SULT1B1: variants seen among roughly 807,000 people sequenced by gnomAD.
The protein encoded by SULT1B1 is sulfotransferase family 1B member 1, also known as sulfotransferase 1B1.
SULT1B1 carries 28 observed loss-of-function variants against 34.6 expected under a neutral mutation model. The observed-to-expected ratio is 0.81, with a 90% CI of 0.60 to 1.11. The LOEUF (loss-of-function observed/expected upper bound fraction) is 1.11, where lower values mean the gene tolerates loss of function less well. SULT1B1 is among the 50% of genes least tolerant of loss of function. The pLI is 0.00. For missense variants in SULT1B1, 374 were observed against 352.2 expected (o/e 1.06, Z -0.50); for synonymous variants, 147 against 110.2 (o/e 1.33, Z -2.09).
At position 69,722,351 on chromosome 4, in the gene SULT1B1, G is replaced by A. The variant is rs530927214; in HGVS notation, c.*4737C>T. On this transcript the variant is annotated 3_prime_UTR_variant, in exon 8 of 8. Transcript: ENST00000310613. ...ATTACACAGATTAGAGGATAGTTTA[G>A]TGGTGTTTTTTCCCTCAGTAATAGA... 2 of 152,220 alleles carry A rather than the reference G, an allele frequency of 1.3e-5. No homozygotes were observed. The highest frequency in any genetic ancestry group is 4.1e-4 in the South Asian group (2 of 4,830). 9.4% of individuals were successfully genotyped at this position (152,220 alleles called of 1,614,324 possible).
At chr4:69,757,359 A>G (rs1719232440) in intron 1 of SULT1B1, among the ~76,000 whole-genome samples, 1 of 152,210 alleles carries the variant, frequency 6.6e-6, no homozygotes, top group African/African-American at 2.4e-5. Flanking sequence ...AAGATTGCCA[A>G]TCAGAGGTTC....
rs75268683 is a variant in SULT1B1 at position 69,759,180 on chromosome 4, G to T, written c.-45+1279C>A. Among the ~76,000 whole-genome samples, 401 of 152,284 alleles carry T rather than the reference G, an allele frequency of 2.6e-3. 3 individuals carry two copies. Among genetic ancestry groups the T allele is most frequent in the East Asian group, 0.02 (105 of 5,186 alleles). On this transcript the variant is annotated intron_variant, in intron 1 of 7. Transcript: ENST00000310613. ...TACCCTGAAATGATAAGTCTTACTTGCATTTTGTGGATAAGATTAGGAAAC... is the reference window on the plus strand; with the variant it reads ...TACCCTGAAATGATAAGTCTTACTTTCATTTTGTGGATAAGATTAGGAAAC...
intron 3 of SULT1B1, among the ~76,000 whole-genome samples, chr4:69,751,921 A>G (rs1718998143): frequency 2.0e-5 from 3 of 151,992 alleles, no homozygotes; most frequent in Non-Finnish European, 4.4e-5. Flanking sequence ...TTTTCATTTC[A>G]TACTTTCTAT....
intron 4 of SULT1B1, among the ~76,000 whole-genome samples, chr4:69,741,610 A>C (rs1718555255): frequency 6.6e-6 from 1 of 152,120 alleles, no homozygotes; most frequent in Non-Finnish European, 1.5e-5. Flanking sequence ...CTCTTTGATT[A>C]GCTATATTCC....
chr4:69,747,123 T>G (rs773086518), intron 4 of SULT1B1, among the ~76,000 whole-genome samples: 29 of 152,196 alleles, frequency 1.9e-4, no homozygotes, highest in Non-Finnish European at 3.4e-4. Flanking sequence ...CAATCAGGGA[T>G]GCTGGCAAAA....
At chr4:69,731,426 C>T (rs139373780) in intron 6 of SULT1B1, among the ~76,000 whole-genome samples, 7 of 152,256 alleles carry the variant, frequency 4.6e-5, no homozygotes, top group South Asian at 4.1e-4. Flanking sequence ...CCACAAATCC[C>T]GTCCCTGGTG....
chr4:69,734,318 T>C, intron 4 of SULT1B1, 54 bp from the exon 5 acceptor site: 1 of 1,570,166 alleles, frequency 6.4e-7, no homozygotes, highest in African/African-American at 1.4e-5. Flanking sequence ...ACATTTTGTT[T>C]AGGAAAAAAT....
chr4:69,747,790 T>C (rs975364509), intron 4 of SULT1B1, among the ~76,000 whole-genome samples: 4 of 152,122 alleles, frequency 2.6e-5, no homozygotes, highest in Non-Finnish European at 5.9e-5. Flanking sequence ...GTTCCATGTC[T>C]GTTTCACTCA....
intron 1 of SULT1B1, chr4:69,758,445 T>A (rs926715531): frequency 2.5e-5 from 25 of 985,140 alleles, no homozygotes; most frequent in Non-Finnish European, 2.7e-5. Flanking sequence ...TTCTGAAACA[T>A]TTTATTTTAT....
chr4:69,752,948 G>T (rs1481374737), intron 3 of SULT1B1, among the ~76,000 whole-genome samples: 1 of 151,804 alleles, frequency 6.6e-6, no homozygotes, highest in Non-Finnish European at 1.5e-5. Flanking sequence ...AGTTTCCTTT[G>T]CTAGCTTCTC....
At chr4:69,742,910 G>C (rs1049583187) in intron 4 of SULT1B1, among the ~76,000 whole-genome samples, 1 of 152,236 alleles carries the variant, frequency 6.6e-6, no homozygotes, top group East Asian at 1.9e-4. Flanking sequence ...CAAGGCTGCA[G>C]CTGGACCAGG....
intron 4 of SULT1B1, among the ~76,000 whole-genome samples, chr4:69,735,989 C>T (rs1718295644): frequency 6.6e-6 from 1 of 152,140 alleles, no homozygotes; most frequent in African/African-American, 2.4e-5. Context: ...ATTTCCATGC[C>T]TCCCCCAACC....
At chr4:69,738,655 G>A (rs936786492) in intron 4 of SULT1B1, among the ~76,000 whole-genome samples, 1 of 151,998 alleles carries the variant, frequency 6.6e-6, no homozygotes, top group African/African-American at 2.4e-5. Context: ...TTCTTCCATG[G>A]TCCCTCCCAT....
chr4:69,749,035 A>C (rs1235974497), intron 4 of SULT1B1, among the ~76,000 whole-genome samples: 6 of 152,086 alleles, frequency 3.9e-5, no homozygotes, highest in Non-Finnish European at 8.8e-5. Flanking sequence ...GATACTAAAA[A>C]CAGATAAACA....
intron 4 of SULT1B1, among the ~76,000 whole-genome samples, chr4:69,734,967 C>T (rs939301222): frequency 6.6e-6 from 1 of 151,810 alleles, no homozygotes; most frequent in East Asian, 1.9e-4. Context: ...TACAGGCGCC[C>T]GCCACCACGC....
chr4:69,744,392 G>A (rs1223526047), intron 4 of SULT1B1, among the ~76,000 whole-genome samples: 1 of 152,190 alleles, frequency 6.6e-6, no homozygotes, highest in Non-Finnish European at 1.5e-5. Flanking sequence ...AGGTAAGGGT[G>A]GTGCAGTAGG....
rs1161723810 is a variant in SULT1B1 at position 69,726,062 on chromosome 4, A to G, written c.*1026T>C. The G allele has an allele frequency of 1.0e-5, 1 of 99,592 alleles. No individual in the cohort carries two copies. Among genetic ancestry groups the G allele is most frequent in the Non-Finnish European group, 2.0e-5 (1 of 48,814 alleles). 6.2% of individuals were successfully genotyped at this position (99,592 alleles called of 1,614,324 possible). On this transcript the variant is annotated 3_prime_UTR_variant, in exon 8 of 8. Coordinates refer to ENST00000310613, the MANE Select transcript of SULT1B1 (RefSeq NM_014465.4). The stretch of plus-strand genomic sequence containing the variant: ...TATATATATATATATATATATATAT[A>G]TATATATATATATATATATAAATGT...
At chr4:69,734,481 C>G (rs13133166) in intron 4 of SULT1B1, among the ~76,000 whole-genome samples, 79,241 of 151,764 alleles carry the variant, frequency 0.52, 20,965 homozygotes, top group East Asian at 0.72. Flanking sequence ...GAGCTATAGA[C>G]GTTTTGAAAA....
At chr4:69,730,266 G>T (rs981313048) in intron 7 of SULT1B1, among the ~76,000 whole-genome samples, 1 of 152,080 alleles carries the variant, frequency 6.6e-6, no homozygotes, top group African/African-American at 2.4e-5. Flanking sequence ...CTCTCATTTA[G>T]CACAGTAGTA....
Sources: allele counts gnomAD v4.1 joint callset (sites outside exome capture counted in the v4.1 genomes callset), GRCh38; gene constraint gnomAD v4.1.1; transcripts MANE v1.5; gene names NCBI Gene and HGNC (gene_info 2026-07-23, HGNC 2026-07-21).